PDE6D: variants seen among roughly 807,000 people sequenced by gnomAD.
The protein encoded by PDE6D is retinal rod rhodopsin-sensitive cGMP 3',5'-cyclic phosphodiesterase subunit delta.
A neutral mutation model predicts 21.9 loss-of-function variants in PDE6D; 10 were observed. The observed-to-expected ratio is 0.46, with a 90% confidence interval of 0.28 to 0.78. PDE6D has a LOEUF of 0.78. PDE6D is among the 30% of genes least tolerant of loss of function. PDE6D has a pLI of 0.12. For synonymous variants in PDE6D, 59 were observed against 63.5 expected (o/e 0.93, Z 0.34); for missense variants, 139 against 184.8 (o/e 0.75, Z 1.44).
At chr2:231,759,497 G>C (rs2048909597) in intron 1 of PDE6D, among the ~76,000 whole-genome samples, 1 of 152,050 alleles carries the variant, frequency 6.6e-6, no homozygotes, top group South Asian at 2.1e-4. Flanking sequence ...AAGAGGAGCA[G>C]GCAGTGAGAG....
At chr2:231,758,757 G>A (rs2048903037) in intron 1 of PDE6D, among the ~76,000 whole-genome samples, 1 of 152,154 alleles carries the variant, frequency 6.6e-6, no homozygotes, top group South Asian at 2.1e-4. Context: ...ATGCATACCA[G>A]TCATCTGGAG....
At chr2:231,770,119 G>A (rs1021305672) in intron 1 of PDE6D, among the ~76,000 whole-genome samples, 2 of 151,896 alleles carry the variant, frequency 1.3e-5, no homozygotes, top group Non-Finnish European at 2.9e-5. Context: ...AAACAACTTC[G>A]TTGTGGGATA....
intron 1 of PDE6D, among the ~76,000 whole-genome samples, chr2:231,756,025 G>A (rs1039034067): frequency 7.2e-5 from 11 of 152,118 alleles, no homozygotes; most frequent in African/African-American, 2.4e-4. Flanking sequence ...GTTAAAAGAG[G>A]TAAAAATGTG....
At position 231,770,769 on chromosome 2, in the gene PDE6D, G is replaced by A. The variant is rs181699617; in HGVS notation, c.50+10296C>T. Among the ~76,000 whole-genome samples, 361 of 152,114 alleles carry A rather than the reference G, an allele frequency of 2.4e-3. 1 individual carries two copies. Among genetic ancestry groups the A allele is most frequent in the African/African-American group, 8.0e-3 (333 of 41,498 alleles). ...GGAGTTTGAGACGGGTCTGGCCAACGTGGTGAAACCCTGTCTCTACTAAAA... is the reference window on the plus strand; with the variant it reads ...GGAGTTTGAGACGGGTCTGGCCAACATGGTGAAACCCTGTCTCTACTAAAA... On this transcript the variant is annotated intron_variant, in intron 1 of 4. Coordinates refer to ENST00000287600, the MANE Select transcript of PDE6D (RefSeq NM_002601.4).
intron 1 of PDE6D, among the ~76,000 whole-genome samples, chr2:231,775,901 A>C (rs1039016485): frequency 6.6e-6 from 1 of 152,248 alleles, no homozygotes; most frequent in Non-Finnish European, 1.5e-5. Flanking sequence ...AAAGATAATG[A>C]AATCATAAAA....
chr2:231,780,331 A>G (rs1418921948), intron 1 of PDE6D, among the ~76,000 whole-genome samples: 1 of 152,016 alleles, frequency 6.6e-6, no homozygotes, highest in African/African-American at 2.4e-5. Context: ...AGCGCGAGGC[A>G]CCCCACACCT....
chr2:231,748,051 A>G lies in PDE6D; in HGVS notation c.51-8863T>C, dbSNP rs142175203. ...CGGGTATGTCTTTATTAGCAGCATG[A>G]AAACAAACTAATACAGTAAATTGGT... On this transcript the variant is annotated intron_variant, in intron 1 of 4. Coordinates refer to ENST00000287600, the MANE Select transcript of PDE6D (RefSeq NM_002601.4). Among the ~76,000 whole-genome samples, 24 of 152,292 alleles carry G rather than the reference A, an allele frequency of 1.6e-4. No individual in the cohort carries two copies. The East Asian group carries it at 4.6e-3, about 29-fold the overall frequency.
intron 1 of PDE6D, among the ~76,000 whole-genome samples, chr2:231,751,114 A>T (rs2048836364): frequency 7.0e-6 from 1 of 143,242 alleles, no homozygotes; most frequent in Non-Finnish European, 1.5e-5. Context: ...GTGTTATTCT[A>T]TTCTAGTCTT....
In PDE6D at chr2:231,738,687, G is replaced by A. The variant is rs186292590; in HGVS notation, c.139+413C>T. ...TCCCAGCACTTTGGGAGGCTGAGGC[G>A]GGCAGATCACTTGATGTCCGGAGTT... On this transcript the variant is annotated intron_variant, in intron 2 of 4. Coordinates refer to ENST00000287600, the MANE Select transcript of PDE6D (RefSeq NM_002601.4). 2.6e-3 allele frequency among the ~76,000 whole-genome samples: 393 copies of A among 151,938 alleles called. 7 individuals are homozygous for A. Among genetic ancestry groups the A allele is most frequent in the Admixed American group, 0.024 (366 of 15,258 alleles).
intron 3 of PDE6D, chr2:231,737,585 T>G (rs751107574): frequency 2.4e-5 from 8 of 338,486 alleles, no homozygotes; most frequent in African/African-American, 1.5e-4. Context: ...GAACTATATA[T>G]AGATACATAG....
intron 1 of PDE6D, among the ~76,000 whole-genome samples, chr2:231,758,638 A>G (rs2048902338): frequency 3.3e-5 from 5 of 152,318 alleles, no homozygotes; most frequent in South Asian, 4.1e-4. Context: ...CAGTTCCCCA[A>G]GTCATTCCAC....
chr2:231,745,111 A>G (rs952418781), intron 1 of PDE6D, among the ~76,000 whole-genome samples: 4 of 152,274 alleles, frequency 2.6e-5, no homozygotes, highest in East Asian at 3.9e-4. Context: ...GTCTATTAGT[A>G]AGGAGAAATA....
At chr2:231,771,081 T>A (rs1406544628) in intron 1 of PDE6D, among the ~76,000 whole-genome samples, 1 of 139,762 alleles carries the variant, frequency 7.2e-6, no homozygotes, top group Non-Finnish European at 1.5e-5. Context: ...AGCTGAGAAA[T>A]TTTTTTTTTT....
rs2049118623 is a variant in PDE6D at position 231,781,070 on chromosome 2, G to A, written c.45C>T (p.Phe15=). The part of the protein sequence containing the change: ...DERAREILRG[F]KLNWMNLRDA... ...CCCCGCTCCCGGACGGATACAGTTTGAAGCCCCTCAGGATCTCCCTGGCCC... is the reference window on the plus strand; with the variant it reads ...CCCCGCTCCCGGACGGATACAGTTTAAAGCCCCTCAGGATCTCCCTGGCCC... The change falls in exon 1 of 5, where the codon TTC becomes TTT. Residue 15 remains phenylalanine (F), a synonymous_variant. Coordinates refer to ENST00000287600, the MANE Select transcript of PDE6D (RefSeq NM_002601.4). 6 of 1,613,182 alleles carry A rather than the reference G, an allele frequency of 3.7e-6. No individual in the cohort carries two copies. In the East Asian group the frequency reaches 1.1e-4, roughly 30 times the overall value.
intron 1 of PDE6D, among the ~76,000 whole-genome samples, chr2:231,751,331 A>T (rs1409502393): frequency 6.6e-6 from 1 of 152,166 alleles, no homozygotes; most frequent in South Asian, 2.1e-4. Flanking sequence ...AATTTTTTAA[A>T]AACATTTTTT....
intron 1 of PDE6D, among the ~76,000 whole-genome samples, chr2:231,765,097 C>T (rs576060446): frequency 7.5e-5 from 11 of 145,876 alleles, no homozygotes; most frequent in Admixed American, 4.8e-4. Context: ...TCCATCTCCA[C>T]GGAAGGGAAA....
intron 1 of PDE6D, among the ~76,000 whole-genome samples, chr2:231,740,408 T>G (rs1482947086): frequency 6.6e-6 from 1 of 151,718 alleles, no homozygotes; most frequent in Non-Finnish European, 1.5e-5. Context: ...GCAGGCTGAG[T>G]GTGGTGGCTC....
rs2048726555 is a variant in PDE6D, at chr2:231,739,022, G to A, written c.139+78C>T. On this transcript the variant is annotated intron_variant, in intron 2 of 4. Transcript: ENST00000287600. This position sits in a 1 kb window ranked among gnomAD's most constrained non-coding sequence, Gnocchi z 4.2. ...GGGCTCACCCGCCTATTAGGTATGT[G>A]TTAACTTAGCTCTCTTATGCTCAGG... The A allele has an allele frequency of 1.2e-6, 1 of 839,342 alleles. No homozygotes were observed. The highest frequency in any genetic ancestry group is 1.9e-5 in the Admixed American group (1 of 53,120). The allele number at this position is 839,342 out of a possible 1,614,324, so 52.0% of individuals were successfully genotyped here.
chr2:231,734,082 C>T (rs1166187925), intron 4 of PDE6D, among the ~76,000 whole-genome samples: 27 of 151,684 alleles, frequency 1.8e-4, no homozygotes, highest in African/African-American at 2.7e-4. Context: ...GGCGTGGTGG[C>T]GGGCGCCTAT....
Sources: gnomAD v4.1 joint callset for allele counts (sites outside exome capture counted in the v4.1 genomes callset) on GRCh38, gnomAD v4.1.1 for gene constraint, Gnocchi (gnomAD v3.1) non-coding constraint, MANE v1.5 for transcripts, NCBI Gene and HGNC (gene_info 2026-07-23, HGNC 2026-07-21) for gene names.